The following COL8A1 variants were observed in gnomAD, a reference collection of about 807,000 sequenced individuals.
The protein encoded by COL8A1 is collagen type VIII alpha 1 chain.
Under a neutral mutation model 42.7 loss-of-function variants are expected in COL8A1, and 21 were observed. The ratio of observed to expected loss-of-function variants is 0.49; its 90% confidence interval spans 0.35 to 0.71. The LOEUF (loss-of-function observed/expected upper bound fraction) is 0.71. Ranked by LOEUF, COL8A1 falls within the 30% of genes least tolerant of loss-of-function variation. The pLI, the probability that COL8A1 is intolerant of heterozygous loss-of-function variation, is 0.01. For synonymous variants in COL8A1, 367 were observed against 369.1 expected, an observed-to-expected ratio of 0.99 and a Z score of 0.06; for missense variants, 788 against 962.4, an observed-to-expected ratio of 0.82 and a Z score of 2.40.
intron 1 of COL8A1, among the ~76,000 whole-genome samples, chr3:99,720,483 T>C (rs1326361855): frequency 6.6e-6 from 1 of 152,082 alleles, no homozygotes; most frequent in Non-Finnish European, 1.5e-5. Context: ...ACTTCCTATA[T>C]GGTTAGAATT....
intron 1 of COL8A1, among the ~76,000 whole-genome samples, chr3:99,665,229 C>T (rs998632900): frequency 4.6e-5 from 7 of 152,272 alleles, no homozygotes; most frequent in African/African-American, 1.7e-4. Context: ...TACTCCCAGC[C>T]TCTCACTTGG....
At chr3:99,769,871 A>G (rs538989215) in intron 2 of COL8A1, among the ~76,000 whole-genome samples, 1 of 152,280 alleles carries the variant, frequency 6.6e-6, no homozygotes, top group South Asian at 2.1e-4. Flanking sequence ...GTGAGCTGAA[A>G]TGGCGCCATT....
chr3:99,722,863 G>A (rs926018177), intron 1 of COL8A1, among the ~76,000 whole-genome samples: 4 of 152,046 alleles, frequency 2.6e-5, no homozygotes, highest in South Asian at 2.1e-4. Context: ...AATAAATAAC[G>A]TCGATTGGAA....
chr3:99,689,847 A>G (rs765894804), intron 1 of COL8A1, among the ~76,000 whole-genome samples: 19 of 152,216 alleles, frequency 1.2e-4, no homozygotes, highest in Non-Finnish European at 7.3e-5. Flanking sequence ...CTCACAGACG[A>G]GAGAACAGCA....
At chr3:99,678,987 T>C (rs536194455) in intron 1 of COL8A1, 11 of 152,340 alleles carry the variant, frequency 7.2e-5, no homozygotes, top group African/African-American at 2.6e-4. Context: ...GTATAAATAT[T>C]GACACACATA....
chr3:99,745,043 G>A (rs372261715), intron 2 of COL8A1, 22 bp downstream of exon 2: 15 of 152,184 alleles, frequency 9.9e-5, no homozygotes, highest in African/African-American at 3.4e-4. Context: ...GAGCAACAGA[G>A]GGCAGGGCAG....
chr3:99,663,636 T>C (rs967860747), intron 1 of COL8A1, among the ~76,000 whole-genome samples: 6 of 152,176 alleles, frequency 3.9e-5, no homozygotes, highest in African/African-American at 1.4e-4. Flanking sequence ...ACTGTCATTT[T>C]CCCTATTTAA....
intron 1 of COL8A1, among the ~76,000 whole-genome samples, chr3:99,666,726 C>T (rs956946605): frequency 1.3e-5 from 2 of 152,094 alleles, no homozygotes; most frequent in Admixed American, 6.6e-5. Context: ...TCCTTTGTTC[C>T]CTCACTATTA....
At position 99,795,469 on chromosome 3, in the gene COL8A1, T is replaced by C. The variant is rs1025806209; in HGVS notation, c.1568T>C (p.Leu523Pro). Residue 523 changes from leucine (L) to proline (P), a missense_variant, in exon 4 of 4, where the codon CTC becomes CCC. Transcript: ENST00000652472. ...CCAGGCCCCAAAGGGGAGCCGGGCC[T>C]CCCAGGGCCCCCTGGGTTCCCTGGT... is the stretch of plus-strand genomic sequence containing the variant. ...GIPGPKGEPG[L>P]PGPPGFPGIG... 1.3e-6 allele frequency: 2 copies of C among 1,534,424 alleles called. No homozygotes were observed. Among genetic ancestry groups the C allele is most frequent in the East Asian group, 2.4e-5 (1 of 41,144 alleles).
chr3:99,696,626 A>G (rs565234693), intron 1 of COL8A1, among the ~76,000 whole-genome samples: 2 of 152,346 alleles, frequency 1.3e-5, no homozygotes, highest in African/African-American at 4.8e-5. Flanking sequence ...ATGGCCAGCC[A>G]CTGGTGGGAG....
intron 2 of COL8A1, among the ~76,000 whole-genome samples, chr3:99,777,863 T>C (rs1230561786): frequency 6.6e-6 from 1 of 152,170 alleles, no homozygotes; most frequent in African/African-American, 2.4e-5. Context: ...TGAAGAGAAC[T>C]CTCAAAGAGT....
intron 1 of COL8A1, among the ~76,000 whole-genome samples, chr3:99,704,561 G>C (rs1327968540): frequency 6.6e-6 from 1 of 152,012 alleles, no homozygotes; most frequent in African/African-American, 2.4e-5. Flanking sequence ...TTAATATCAG[G>C]GTCGAATTAC....
At chr3:99,643,375 G>A (rs907882256) in intron 1 of COL8A1, among the ~76,000 whole-genome samples, 1 of 152,178 alleles carries the variant, frequency 6.6e-6, no homozygotes, top group Admixed American at 6.5e-5. Flanking sequence ...CCATCACAGG[G>A]ATGGTATGTT....
At chr3:99,702,980 G>T (rs1315540787) in intron 1 of COL8A1, among the ~76,000 whole-genome samples, 1 of 152,170 alleles carries the variant, frequency 6.6e-6, no homozygotes, top group Non-Finnish European at 1.5e-5. Context: ...TTGAATGGGG[G>T]GCATGTTTGG....
chr3:99,784,788 C>A (rs1941860193), intron 2 of COL8A1, among the ~76,000 whole-genome samples: 1 of 152,166 alleles, frequency 6.6e-6, no homozygotes, highest in Non-Finnish European at 1.5e-5. Flanking sequence ...CTCATGACTA[C>A]ATAGTACCTG....
At chr3:99,697,160 G>A (rs1357253988) in intron 1 of COL8A1, among the ~76,000 whole-genome samples, 1 of 150,918 alleles carries the variant, frequency 6.6e-6, no homozygotes, top group African/African-American at 2.4e-5. Context: ...CTAATTTTTT[G>A]TATTTTTAGT....
chr3:99,697,455 A>G (rs1939412452), intron 1 of COL8A1, among the ~76,000 whole-genome samples: 1 of 152,228 alleles, frequency 6.6e-6, no homozygotes, highest in South Asian at 2.1e-4. Context: ...TAGTCAGATT[A>G]GGAAGTTAAA....
At chr3:99,681,697 G>A (rs80124483) in intron 1 of COL8A1, among the ~76,000 whole-genome samples, 1 of 152,022 alleles carries the variant, frequency 6.6e-6, no homozygotes, top group Non-Finnish European at 1.5e-5. Flanking sequence ...TTTCTGGTTG[G>A]GTACCCGAAA....
chr3:99,788,619 T>C (rs570469697), intron 2 of COL8A1, among the ~76,000 whole-genome samples: 1 of 152,314 alleles, frequency 6.6e-6, no homozygotes, highest in East Asian at 1.9e-4. Flanking sequence ...ACATTGAATG[T>C]TAGAGCTAGA....
Sources: allele counts gnomAD v4.1 joint callset (sites outside exome capture counted in the v4.1 genomes callset), GRCh38; gene constraint gnomAD v4.1.1; transcripts MANE v1.5; gene names NCBI Gene and HGNC (gene_info 2026-07-23, HGNC 2026-07-21).